Variants in ADAM12 observed in about 807,000 individuals in gnomAD.
The protein encoded by ADAM12 is disintegrin and metalloproteinase domain-containing protein 12.
Under a neutral mutation model 106.4 loss-of-function variants are expected in ADAM12, and 70 were observed. The ratio of observed to expected loss-of-function variants is 0.66; its 90% CI spans 0.54 to 0.80. The LOEUF is 0.80. ADAM12 is among the 30% of genes least tolerant of loss of function. The probability of loss-of-function intolerance (pLI) is 0.00; values close to 1 mark genes in which losing one functional copy is unlikely to be tolerated. For missense variants in ADAM12, 1,010 were observed against 1,171.9 expected, an observed-to-expected ratio of 0.86 and a Z score of 2.02; for synonymous variants, 420 against 433.5, an observed-to-expected ratio of 0.97 and a Z score of 0.39.
At chr10:126,275,045 C>T (rs1959211267) in intron 3 of ADAM12, among the ~76,000 whole-genome samples, 1 of 152,124 alleles carries the variant, frequency 6.6e-6, no homozygotes, top group Admixed American at 6.6e-5. Context: ...AGAGATACCC[C>T]AAACATAAAT....
intron 3 of ADAM12, among the ~76,000 whole-genome samples, chr10:126,182,303 A>T (rs1189078083): frequency 6.6e-6 from 1 of 152,236 alleles, no homozygotes; most frequent in African/African-American, 2.4e-5. Context: ...AGTATCTAAG[A>T]CATAAAGACA....
At chr10:126,354,087 T>C (rs1359656612) in intron 1 of ADAM12, among the ~76,000 whole-genome samples, 2 of 152,140 alleles carry the variant, frequency 1.3e-5, no homozygotes, top group African/African-American at 4.8e-5. Flanking sequence ...TTAGACTTAT[T>C]TTTTCATTGA....
intron 2 of ADAM12, among the ~76,000 whole-genome samples, chr10:126,290,380 T>C (rs1053454184): frequency 2.6e-5 from 4 of 152,188 alleles, no homozygotes; most frequent in African/African-American, 7.2e-5. Flanking sequence ...CCTTGAGATT[T>C]TGACTGTGAG....
chr10:126,050,691 A>G (rs564364716), intron 14 of ADAM12, among the ~76,000 whole-genome samples: 1 of 152,306 alleles, frequency 6.6e-6, no homozygotes, highest in South Asian at 2.1e-4. Context: ...TGTTCTTCTT[A>G]CTAAAAACAT....
chr10:126,353,592 G>A (rs1382954065), intron 1 of ADAM12, among the ~76,000 whole-genome samples: 1 of 152,232 alleles, frequency 6.6e-6, no homozygotes, highest in Non-Finnish European at 1.5e-5. Context: ...TTAGTTTGCT[G>A]AGTATCTCAA....
intron 1 of ADAM12, among the ~76,000 whole-genome samples, chr10:126,368,094 T>G (rs1855976369): frequency 6.6e-6 from 1 of 151,954 alleles, no homozygotes; most frequent in African/African-American, 2.4e-5. Context: ...TGTATATATA[T>G]AAACGTGTGC....
At chr10:126,031,263 G>T (rs567494057) in intron 21 of ADAM12, among the ~76,000 whole-genome samples, 33 of 152,286 alleles carry the variant, frequency 2.2e-4, no homozygotes, top group African/African-American at 7.7e-4. Context: ...TAACAAATGG[G>T]TCTTCTTTTT....
intron 1 of ADAM12, among the ~76,000 whole-genome samples, chr10:126,354,257 G>T (rs374499419): frequency 6.6e-6 from 1 of 152,168 alleles, no homozygotes; most frequent in African/African-American, 2.4e-5. Flanking sequence ...ATATAGTACT[G>T]CAGTTCCAGG....
intron 3 of ADAM12, among the ~76,000 whole-genome samples, chr10:126,167,918 G>C (rs917034976): frequency 2.6e-5 from 4 of 152,178 alleles, no homozygotes; most frequent in Admixed American, 2.0e-4. Flanking sequence ...TAAGAAATGT[G>C]TTCAAGGCCA....
chr10:126,135,545 T>A (rs1470709852), intron 5 of ADAM12, 39 bp downstream of exon 5: 1 of 1,589,214 alleles, frequency 6.3e-7, no homozygotes, highest in Non-Finnish European at 8.6e-7. Context: ...CTGCAGTAGA[T>A]GGCTGAAGAC....
chr10:126,224,544 G>A (rs572458061), intron 3 of ADAM12, among the ~76,000 whole-genome samples: 1 of 152,174 alleles, frequency 6.6e-6, no homozygotes, highest in Admixed American at 6.5e-5. Context: ...CTTGGGGAGG[G>A]GCCTGGGGAG....
chr10:126,249,601 G>A (rs898586647), intron 3 of ADAM12, among the ~76,000 whole-genome samples: 3 of 152,214 alleles, frequency 2.0e-5, no homozygotes, highest in Non-Finnish European at 4.4e-5. Flanking sequence ...CTACTTGGGA[G>A]GCTGAGGCAG....
intron 3 of ADAM12, among the ~76,000 whole-genome samples, chr10:126,173,124 G>A (rs1278331252): frequency 1.3e-5 from 2 of 152,164 alleles, no homozygotes; most frequent in African/African-American, 2.4e-5. Context: ...GAGGCTAGGG[G>A]AGGGATAGCA....
chr10:126,382,010 A>G lies in ADAM12; in HGVS notation c.88+6048T>C, dbSNP rs534450101. On this transcript the variant is annotated intron_variant, in intron 1 of 22. Coordinates refer to ENST00000448723, the MANE Select transcript of ADAM12 (RefSeq NM_001288973.2). ...AAACAATAATAATAATTAAAACACA[A>G]AGCAGCAAAGCTTTGGAAGATGGAA... 6.6e-5 allele frequency among the ~76,000 whole-genome samples: 10 copies of G among 152,146 alleles called. No individual in the cohort carries two copies. In the South Asian group the frequency reaches 2.1e-3, roughly 32 times the overall value.
chr10:126,088,870 C>T (rs940292889), intron 11 of ADAM12, among the ~76,000 whole-genome samples: 9 of 152,212 alleles, frequency 5.9e-5, no homozygotes, highest in Middle Eastern at 3.4e-3. Context: ...TACATGCTTG[C>T]GGGGAAGTAG....
chr10:126,388,366 G>T lies in ADAM12; in HGVS notation c.-221C>A. The T allele has an allele frequency of 1.7e-6, 1 of 575,772 alleles. No homozygotes were observed. The highest frequency in any genetic ancestry group is 2.4e-6 in the Non-Finnish European group (1 of 409,050). The allele number at this position is 575,772 out of a possible 1,614,324, so 35.7% of individuals were successfully genotyped here. A position where few individuals can be genotyped will look rare whatever the true frequency, so the allele number is the denominator to read the frequency against. On this transcript the variant is annotated 5_prime_UTR_variant, in exon 1 of 23. Coordinates refer to ENST00000448723, the MANE Select transcript of ADAM12 (RefSeq NM_001288973.2). The surrounding 1 kb of genome is among the most constrained non-coding windows in gnomAD (Gnocchi z 4.4). ...CGTGTGTGTGCGTGCGTGCGCGCGC[G>T]CGCGCCGTTCTGGCACAAGCCAGCC... is the stretch of plus-strand genomic sequence containing the variant.
At chr10:126,341,944 A>G (rs1359336904) in intron 1 of ADAM12, among the ~76,000 whole-genome samples, 1 of 152,214 alleles carries the variant, frequency 6.6e-6, no homozygotes, top group Non-Finnish European at 1.5e-5. Context: ...TCTATGAGAA[A>G]AATGCACTTT....
At chr10:126,120,232 T>A (rs984794249) in intron 5 of ADAM12, among the ~76,000 whole-genome samples, 4 of 152,134 alleles carry the variant, frequency 2.6e-5, no homozygotes, top group Non-Finnish European at 5.9e-5. Context: ...ACAAATCAAC[T>A]GACAAAAGGC....
chr10:126,332,742 C>T (rs1590792333), intron 1 of ADAM12, among the ~76,000 whole-genome samples: 1 of 152,084 alleles, frequency 6.6e-6, no homozygotes, highest in Non-Finnish European at 1.5e-5. Context: ...TGAGGCAGAG[C>T]GTGGTGAGCC....
Sources: gnomAD v4.1 joint callset for allele counts (sites outside exome capture counted in the v4.1 genomes callset) on GRCh38, gnomAD v4.1.1 for gene constraint, Gnocchi (gnomAD v3.1) non-coding constraint, MANE v1.5 for transcripts, NCBI Gene and HGNC (gene_info 2026-07-23, HGNC 2026-07-21) for gene names.